Variants in RIOK3 observed in about 807,000 individuals in gnomAD.
RIOK3 encodes RIO kinase 3.
RIOK3 carries 40 observed loss-of-function variants against 63.5 expected under a neutral mutation model. That is an observed-to-expected ratio of 0.63 (90% CI 0.49 to 0.82). The LOEUF is 0.82. Among genes scored for constraint, RIOK3 ranks in the 40% least tolerant of loss-of-function variants. The pLI is 0.00. For missense variants in RIOK3, 557 were observed against 637.0 expected, an observed-to-expected ratio of 0.87 and a Z score of 1.35; for synonymous variants, 193 against 205.0, an observed-to-expected ratio of 0.94 and a Z score of 0.50.
At chr18:23,479,873 G>A (rs7237614) in intron 12 of RIOK3, among the ~76,000 whole-genome samples, 2,399 of 152,144 alleles carry the variant, frequency 0.016, 68 homozygotes, top group African/African-American at 0.055. Context: ...CACTGTGCCC[G>A]GCCTGTTTTT....
At position 23,475,100 on chromosome 18, in the gene RIOK3, C is replaced by G. The variant is rs2057480783; in HGVS notation, c.1166C>G (p.Thr389Ser). The change falls in exon 9 of 13, where the codon ACT becomes AGT. Residue 389 changes from threonine to serine, a missense_variant. Physicochemically the swap from Thr to Ser is moderately conservative, Grantham distance 58. Around this residue, in one of 3 missense-constraint regions of RIOK3, gnomAD observed 309 missense variants for 338.7 expected, o/e 0.91. Coordinates refer to ENST00000339486, the MANE Select transcript of RIOK3 (RefSeq NM_003831.5). ...GAAATGAAAGAAGCCTACTATCAAA[C>G]TCTTCATGTAAGTTGTGCTTTTAAA... ...SEEMKEAYYQ[T>S]LHLMRQLYHE... 2 of 1,609,190 alleles carry G rather than the reference C, an allele frequency of 1.2e-6. No homozygotes were observed. Among genetic ancestry groups the G allele is most frequent in the Non-Finnish European group, 1.7e-6 (2 of 1,177,726 alleles).
At chr18:23,463,917 C>G in intron 2 of RIOK3, 50 bp from the exon 3 acceptor site, 3 of 1,507,296 alleles carry the variant, frequency 2.0e-6, no homozygotes, top group Non-Finnish European at 2.7e-6. Flanking sequence ...TTGGCAACCT[C>G]TGTTTACTTA....
intron 9 of RIOK3, 96 bp downstream of exon 9, chr18:23,475,203 C>A: frequency 1.1e-6 from 1 of 944,682 alleles, no homozygotes; most frequent in Non-Finnish European, 1.6e-6. Flanking sequence ...GGCATGTTGG[C>A]TCACACTTGT....
intron 8 of RIOK3, among the ~76,000 whole-genome samples, chr18:23,473,847 A>G (rs2057472460): frequency 6.6e-6 from 1 of 152,206 alleles, no homozygotes; most frequent in African/African-American, 2.4e-5. Context: ...ACTTTATCAT[A>G]TATCTAAATG....
intron 7 of RIOK3, among the ~76,000 whole-genome samples, chr18:23,470,593 C>T (rs767399551): frequency 4.6e-5 from 7 of 152,030 alleles, no homozygotes; most frequent in African/African-American, 9.7e-5. Context: ...GGCACTTCAG[C>T]GTCATCTGTA....
intron 6 of RIOK3, among the ~76,000 whole-genome samples, chr18:23,467,084 G>A (rs1436247444): frequency 2.0e-5 from 3 of 152,014 alleles, no homozygotes; most frequent in Admixed American, 2.0e-4. Context: ...GGGAGGCCAA[G>A]GCGGGCGGAT....
At chr18:23,470,211 A>G (rs1280414614) in intron 7 of RIOK3, among the ~76,000 whole-genome samples, 1 of 152,116 alleles carries the variant, frequency 6.6e-6, no homozygotes, top group African/African-American at 2.4e-5. Flanking sequence ...AAAAAATACA[A>G]AAAAGTTAGC....
chr18:23,474,118 CCTTT>C (rs1169155447), intron 8 of RIOK3, among the ~76,000 whole-genome samples: 4 of 152,074 alleles, frequency 2.6e-5, no homozygotes, highest in African/African-American at 7.2e-5. Flanking sequence ...TCATTAAAAA[CCTTT>C]CTATTATCTT....
chr18:23,463,792 A>G (rs2057387432), intron 2 of RIOK3, among the ~76,000 whole-genome samples, 175 bp from the exon 3 acceptor site: 1 of 152,210 alleles, frequency 6.6e-6, no homozygotes, highest in Admixed American at 6.5e-5. Context: ...TGGTACTCCC[A>G]CAGGTGCATG....
intron 1 of RIOK3, among the ~76,000 whole-genome samples, chr18:23,461,014 CT>C (rs2057369681): frequency 6.6e-6 from 1 of 152,228 alleles, no homozygotes; most frequent in South Asian, 2.1e-4. Context: ...TTTCCTCAAT[CT>C]CAGGGTGAGA....
intron 1 of RIOK3, among the ~76,000 whole-genome samples, chr18:23,455,288 T>A (rs2057331656): frequency 6.6e-6 from 1 of 151,952 alleles, no homozygotes; most frequent in Non-Finnish European, 1.5e-5. Flanking sequence ...TTGGCCAGGC[T>A]GGTCTCAAAC....
rs776100003 is a variant in RIOK3 at position 23,481,264 on chromosome 18, A to G, written c.1545A>G (p.Leu515=). 1.3e-6 allele frequency: 2 copies of G among 1,599,576 alleles called. No homozygotes were observed. Among genetic ancestry groups the G allele is most frequent in the Admixed American group, 1.7e-5 (1 of 58,736 alleles). ...SFLKDDGDPP[L]LYDE ...TGAAAGATGATGGAGACCCACCACT[A>G]CTATATGATGAATAGCACTAATACC... Residue 515 remains leucine, a synonymous_variant, in exon 13 of 13, where the codon CTA becomes CTG. Coordinates refer to ENST00000339486, the MANE Select transcript of RIOK3 (RefSeq NM_003831.5).
intron 1 of RIOK3, among the ~76,000 whole-genome samples, chr18:23,462,107 A>T (rs1348682480): frequency 8.3e-6 from 1 of 120,224 alleles, no homozygotes. Context: ...AAAAAGAAAT[A>T]AAATTTAAAA....
intron 1 of RIOK3, among the ~76,000 whole-genome samples, chr18:23,462,605 G>A (rs2057379388): frequency 6.6e-6 from 1 of 152,180 alleles, no homozygotes; most frequent in Non-Finnish European, 1.5e-5. Flanking sequence ...AATCTACTTG[G>A]GAAATCAGAT....
At position 23,477,554 on chromosome 18, in the gene RIOK3, A is replaced by G. The variant is rs572049485; in HGVS notation, c.1344+286A>G. 1.7e-4 allele frequency among the ~76,000 whole-genome samples: 26 copies of G among 151,968 alleles called. No individual in the cohort carries two copies. In the East Asian group the frequency reaches 3.5e-3, roughly 20 times the overall value. On this transcript the variant is annotated intron_variant, in intron 11 of 12. Coordinates refer to ENST00000339486, the MANE Select transcript of RIOK3 (RefSeq NM_003831.5). The stretch of plus-strand genomic sequence containing the variant: ...TGAGGTGGGTGGATCATTTGATGTC[A>G]GAGGTTCAAGACCAGCCTGGCCAAC...
At chr18:23,463,570 C>T (rs183360138) in intron 2 of RIOK3, among the ~76,000 whole-genome samples, 79 of 152,094 alleles carry the variant, frequency 5.2e-4, no homozygotes, top group African/African-American at 1.7e-3. Context: ...CTGCCACGTC[C>T]GGCTAATTTT....
rs1462927208 is a variant in RIOK3 at position 23,475,088 on chromosome 18, C to T, written c.1154C>T (p.Ala385Val). 8 of 1,611,570 alleles carry T rather than the reference C, an allele frequency of 5.0e-6. No individual in the cohort carries two copies. The highest frequency in any genetic ancestry group is 6.8e-6 in the Non-Finnish European group (8 of 1,178,784). The change falls in exon 9 of 13, where the codon GCC becomes GTC. Residue 385 changes from alanine (A) to valine (V), a missense_variant. Around this residue, in one of 3 missense-constraint regions of RIOK3, gnomAD observed 309 missense variants for 338.7 expected, o/e 0.91. Coordinates refer to ENST00000339486, the MANE Select transcript of RIOK3 (RefSeq NM_003831.5). ...VKLNSEEMKE[A>V]YYQTLHLMRQ... ...CTCAATAGTGAAGAAATGAAAGAAGCCTACTATCAAACTCTTCATGTAAGT... is the reference window on the plus strand; with the variant it reads ...CTCAATAGTGAAGAAATGAAAGAAGTCTACTATCAAACTCTTCATGTAAGT...
At chr18:23,457,937 C>T (rs1368151797) in intron 1 of RIOK3, among the ~76,000 whole-genome samples, 2 of 151,924 alleles carry the variant, frequency 1.3e-5, no homozygotes, top group Non-Finnish European at 2.9e-5. Context: ...CTCTATCGCC[C>T]AGGCTGGAGT....
intron 6 of RIOK3, among the ~76,000 whole-genome samples, chr18:23,466,771 G>A (rs1056274774): frequency 2.0e-5 from 3 of 151,094 alleles, no homozygotes; most frequent in African/African-American, 4.9e-5. Context: ...TAGAAGGATC[G>A]CTTGAGCCCA....
Sources: gnomAD v4.1 joint callset for allele counts (sites outside exome capture counted in the v4.1 genomes callset) on GRCh38, gnomAD v4.1.1 for gene constraint, gnomAD v4.1.1 regional missense constraint, MANE v1.5 for transcripts, NCBI Gene and HGNC (gene_info 2026-07-23, HGNC 2026-07-21) for gene names.